The following ATP2B2 variants were observed in gnomAD, a reference collection of about 807,000 sequenced individuals.
The protein encoded by ATP2B2 is plasma membrane calcium-transporting ATPase 2.
In ATP2B2, 15 loss-of-function variants were observed where a neutral mutation model predicts 120.0. That is an observed-to-expected ratio of 0.12 (90% CI 0.08 to 0.19). The LOEUF (loss-of-function observed/expected upper bound fraction) is 0.19, where lower values mean the gene tolerates loss of function less well. Among genes scored for constraint, ATP2B2 ranks in the 10% least tolerant of loss-of-function variants. The probability of loss-of-function intolerance (pLI) is 1.00; values close to 1 mark genes in which losing one functional copy is unlikely to be tolerated. For synonymous variants in ATP2B2, 694 were observed against 700.3 expected, an observed-to-expected ratio of 0.99 and a Z score of 0.14; for missense variants, 1,045 against 1,719.8, an observed-to-expected ratio of 0.61 and a Z score of 6.94.
At chr3:10,437,505 A>G (rs892878062) in intron 2 of ATP2B2, among the ~76,000 whole-genome samples, 1 of 152,152 alleles carries the variant, frequency 6.6e-6, no homozygotes, top group South Asian at 2.1e-4. Flanking sequence ...CTCTCACCAC[A>G]CTGCCACTTC....
rs745831146 is a variant in ATP2B2 at position 10,340,374 on chromosome 3, A to AAG, written c.3130-27_3130-26dup. 2.1e-5 allele frequency: 34 copies of AAG among 1,604,448 alleles called. No homozygotes were observed. Among genetic ancestry groups the AAG allele is most frequent in the Non-Finnish European group, 2.6e-5 (31 of 1,172,998 alleles). ...TCTGGAGGTCACAGGGGAGCAGAGA[A>AAG]AGAGAGAGAGAGAGGCCATCAGGGA... On this transcript the variant is annotated intron_variant, in intron 20 of 22. Coordinates refer to ENST00000360273, the MANE Select transcript of ATP2B2 (RefSeq NM_001001331.4). This position sits in a 1 kb window ranked among gnomAD's most constrained non-coding sequence, Gnocchi z 5.0.
At chr3:10,624,009 G>C (rs553442368) in intron 1 of ATP2B2, among the ~76,000 whole-genome samples, 2 of 152,322 alleles carry the variant, frequency 1.3e-5, no homozygotes, top group East Asian at 3.9e-4. Flanking sequence ...GGGTCACTCA[G>C]AGTGATCTCT....
At chr3:10,368,997 C>A (rs77939847) in intron 12 of ATP2B2, among the ~76,000 whole-genome samples, 4,902 of 152,294 alleles carry the variant, frequency 0.032, 101 homozygotes, top group South Asian at 0.064. Context: ...AAGCCCACAG[C>A]CTGGCATCAG....
chr3:10,535,206 A>G (rs1348207348), intron 2 of ATP2B2, among the ~76,000 whole-genome samples: 1 of 152,064 alleles, frequency 6.6e-6, no homozygotes, highest in Admixed American at 6.5e-5. Context: ...CCCCAGCCCT[A>G]TTTGTAACTT....
At chr3:10,516,707 C>T (rs539254349) in intron 3 of ATP2B2, among the ~76,000 whole-genome samples, 9 of 152,304 alleles carry the variant, frequency 5.9e-5, no homozygotes, top group African/African-American at 9.6e-5. Flanking sequence ...CTCAACTTTT[C>T]GGAGATTCAG....
In ATP2B2 at chr3:10,329,691, C is replaced by G. The variant is rs2059928283; in HGVS notation, c.3421-566G>C. Among the ~76,000 whole-genome samples the G allele has an allele frequency of 6.6e-6, 1 of 152,154 alleles. No homozygotes were observed. Among genetic ancestry groups the G allele is most frequent in the Non-Finnish European group, 1.5e-5 (1 of 68,046 alleles). ...ATGAGAGAGACACATGAGGGCCAAACAGAACGGGAACATCAAACCAAAGGC... is the reference window on the plus strand; with the variant it reads ...ATGAGAGAGACACATGAGGGCCAAAGAGAACGGGAACATCAAACCAAAGGC... On this transcript the variant is annotated intron_variant, in intron 22 of 22. Coordinates refer to ENST00000360273, the MANE Select transcript of ATP2B2 (RefSeq NM_001001331.4). This position sits in a 1 kb window ranked among gnomAD's most constrained non-coding sequence, Gnocchi z 5.9.
intron 1 of ATP2B2, among the ~76,000 whole-genome samples, chr3:10,474,329 T>G (rs1046399068): frequency 3.3e-5 from 5 of 152,132 alleles, no homozygotes; most frequent in Non-Finnish European, 5.9e-5. Flanking sequence ...CAAGTAGAGA[T>G]GCCAAGTGGG....
At chr3:10,494,858 T>G (rs1182326851) in intron 1 of ATP2B2, among the ~76,000 whole-genome samples, 3 of 151,946 alleles carry the variant, frequency 2.0e-5, no homozygotes, top group Non-Finnish European at 4.4e-5. Context: ...TATGGTCATT[T>G]CCCCCCAAGA....
intron 1 of ATP2B2, among the ~76,000 whole-genome samples, chr3:10,659,948 C>A (rs1389246811): frequency 2.0e-5 from 3 of 152,146 alleles, no homozygotes; most frequent in Non-Finnish European, 4.4e-5. Context: ...GAAACTCACT[C>A]AAAACTGCTC....
At chr3:10,491,941 C>T (rs987024418) in intron 1 of ATP2B2, among the ~76,000 whole-genome samples, 2 of 152,026 alleles carry the variant, frequency 1.3e-5, no homozygotes, top group Admixed American at 6.5e-5. Flanking sequence ...TGTTAAAATG[C>T]GGGGAAAAAA....
chr3:10,407,349 A>G (rs1376129541), intron 3 of ATP2B2, among the ~76,000 whole-genome samples: 3 of 152,236 alleles, frequency 2.0e-5, no homozygotes, highest in Non-Finnish European at 4.4e-5. Flanking sequence ...GAAGTCGTCC[A>G]TCTTTCCTAT....
chr3:10,594,867 T>C (rs1467574512), intron 2 of ATP2B2, among the ~76,000 whole-genome samples: 2 of 152,174 alleles, frequency 1.3e-5, no homozygotes, highest in Non-Finnish European at 2.9e-5. Flanking sequence ...ATTTTATAGA[T>C]GAGGAAATGG....
chr3:10,572,283 G>T lies in ATP2B2; in HGVS notation c.-414-38150C>A, dbSNP rs1041633119. Among the ~76,000 whole-genome samples the T allele has an allele frequency of 2.0e-5, 3 of 152,332 alleles. No homozygotes were observed. In the South Asian group the frequency reaches 6.2e-4, roughly 32 times the overall value. ...TATGGTTGTTTGTTACACAGCATCAGTATGGCCACAGCTAACTAATACACA... is the reference window on the plus strand; with the variant it reads ...TATGGTTGTTTGTTACACAGCATCATTATGGCCACAGCTAACTAATACACA... On this transcript the variant is annotated intron_variant, in intron 2 of 21. Transcript: ENST00000646379.
At chr3:10,412,034 C>T (rs2062628136) in intron 2 of ATP2B2, among the ~76,000 whole-genome samples, 1 of 152,252 alleles carries the variant, frequency 6.6e-6, no homozygotes, top group Admixed American at 6.5e-5. Context: ...CCCAGCCTGG[C>T]ACCCTGGCCC....
intron 2 of ATP2B2, among the ~76,000 whole-genome samples, chr3:10,614,529 T>A (rs2013900): frequency 6.6e-6 from 1 of 152,110 alleles, no homozygotes; most frequent in East Asian, 1.9e-4. Flanking sequence ...AGATTAAACA[T>A]AGAAACACAA....
chr3:10,696,922 A>G (rs1360873019), intron 1 of ATP2B2, among the ~76,000 whole-genome samples: 1 of 152,178 alleles, frequency 6.6e-6, no homozygotes, highest in Non-Finnish European at 1.5e-5. Flanking sequence ...TAACAACACT[A>G]TTGATAGTAA....
intron 2 of ATP2B2, among the ~76,000 whole-genome samples, chr3:10,598,253 C>G (rs1402329081): frequency 6.6e-6 from 1 of 152,176 alleles, no homozygotes; most frequent in African/African-American, 2.4e-5. Context: ...TGATTAAAAA[C>G]AGGATGTAAG....
At chr3:10,613,408 G>A (rs78459925) in intron 2 of ATP2B2, among the ~76,000 whole-genome samples, 1 of 152,140 alleles carries the variant, frequency 6.6e-6, no homozygotes, top group Non-Finnish European at 1.5e-5. Flanking sequence ...GGTCAGAACT[G>A]CGGGCAGCTT....
intron 8 of ATP2B2, among the ~76,000 whole-genome samples, chr3:10,384,519 G>A (rs577931288): frequency 6.6e-6 from 1 of 152,284 alleles, no homozygotes; most frequent in East Asian, 1.9e-4. Context: ...TCTTCTAAAG[G>A]CTTTGGGGGC....
Sources: allele counts gnomAD v4.1 joint callset (sites outside exome capture counted in the v4.1 genomes callset), GRCh38; gene constraint gnomAD v4.1.1; non-coding constraint Gnocchi (gnomAD v3.1); transcripts MANE v1.5; gene names NCBI Gene and HGNC (gene_info 2026-07-23, HGNC 2026-07-21).